PRDM16: variants seen among roughly 807,000 people sequenced by gnomAD.
The protein encoded by PRDM16 is PR/SET domain 16.
A neutral mutation model predicts 110.6 loss-of-function variants in PRDM16; 23 were observed. The observed-to-expected ratio is 0.21, with a 90% CI of 0.15 to 0.29. The LOEUF (loss-of-function observed/expected upper bound fraction) is 0.29. Among genes scored for constraint, PRDM16 ranks in the 10% least tolerant of loss-of-function variants. PRDM16 has a pLI of 1.00. For missense variants in PRDM16, 1,615 were observed against 1,794.3 expected (o/e 0.90, Z 1.81); for synonymous variants, 799 against 781.8 (o/e 1.02, Z -0.37).
chr1:3,098,784 C>T (rs1642466609), intron 1 of PRDM16, among the ~76,000 whole-genome samples: 1 of 152,234 alleles, frequency 6.6e-6, no homozygotes, highest in Non-Finnish European at 1.5e-5. Context: ...CTTGCTGCTC[C>T]AGCCCTGCAG....
rs1480431123 is a variant in PRDM16, at chr1:3,213,500, CT to C, written c.387+27027del. ...TCACCCCAGCTGTGCGGGTGCCCCC[CT>C]GGGTTTGGTTGTGCCCGTGGGGGGT... On this transcript the variant is annotated intron_variant, in intron 2 of 16. Transcript: ENST00000270722. The surrounding 1 kb of genome is among the most constrained non-coding windows in gnomAD (Gnocchi z 5.3). Among the ~76,000 whole-genome samples, 2 of 152,174 alleles carry C rather than the reference CT, an allele frequency of 1.3e-5. No homozygotes were observed. The highest frequency in any genetic ancestry group is 2.1e-4 in the South Asian group (1 of 4,822).
At position 3,271,592 on chromosome 1, in the gene PRDM16, G is replaced by A. The variant is rs74994195; in HGVS notation, c.438+27455G>A. On this transcript the variant is annotated intron_variant, in intron 3 of 16. Coordinates refer to ENST00000270722, the MANE Select transcript of PRDM16 (RefSeq NM_022114.4). ...CCTGTTCCATGACCTGGAGCGTGAG[G>A]CCAGGCAGGGGGACTGTCTGGGTAG... Among the ~76,000 whole-genome samples, 2,248 of 152,300 alleles carry A rather than the reference G, an allele frequency of 0.015. 143 individuals are homozygous for A. The East Asian group carries it at 0.19, about 13-fold the overall frequency.
chr1:3,186,142 A>C lies in PRDM16; in HGVS notation c.55A>C (p.Asn19His), dbSNP rs1246236090. ...KLAKSDGDVV[N>H]NMYEPNRDLL... ...TCCTTTAGGTGACGGTGACGTTGTA[A>C]ATAATATGTATGAGCCCAACCGGGA... is the stretch of plus-strand genomic sequence containing the variant. The change falls in exon 2 of 17, where the codon AAT (asparagine) becomes CAT (histidine). Residue 19 changes from asparagine (N) to histidine (H), a missense_variant. This residue lies in a region of PRDM16 where 416 missense variants were observed against 467.1 expected (regional missense o/e 0.89). Coordinates refer to ENST00000270722, the MANE Select transcript of PRDM16 (RefSeq NM_022114.4). The C allele has an allele frequency of 6.2e-7, 1 of 1,612,632 alleles. No homozygotes were observed. Among genetic ancestry groups the C allele is most frequent in the African/African-American group, 1.3e-5 (1 of 75,018 alleles).
intron 15 of PRDM16, among the ~76,000 whole-genome samples, chr1:3,431,721 CT>C (rs769553834): frequency 6.8e-4 from 103 of 152,314 alleles, no homozygotes; most frequent in Non-Finnish European, 1.0e-3. Flanking sequence ...CCTGAGCCCC[CT>C]GCCTGCTGCC....
chr1:3,418,518 G>T, intron 11 of PRDM16, 149 bp from the exon 12 acceptor site: 3 of 664,638 alleles, frequency 4.5e-6, no homozygotes, highest in Non-Finnish European at 5.5e-6. Flanking sequence ...CTTCAGGGCC[G>T]TGGAAGGGAC....
At chr1:3,220,452 C>T (rs899753326) in intron 2 of PRDM16, among the ~76,000 whole-genome samples, 4 of 152,212 alleles carry the variant, frequency 2.6e-5, no homozygotes, top group African/African-American at 2.4e-5. Flanking sequence ...AGGACCAGCA[C>T]AGGTTGGGGC....
chr1:3,184,985 G>T (rs1285185046), intron 1 of PRDM16, among the ~76,000 whole-genome samples: 2 of 152,184 alleles, frequency 1.3e-5, no homozygotes, highest in Non-Finnish European at 1.5e-5. Context: ...TCCTCCTTGG[G>T]GAGGGGAGGT....
intron 1 of PRDM16, among the ~76,000 whole-genome samples, chr1:3,115,774 G>T (rs1477973471): frequency 1.3e-5 from 2 of 152,242 alleles, no homozygotes; most frequent in Non-Finnish European, 2.9e-5. Flanking sequence ...CATCCTCGGG[G>T]TGCCCTCGGG....
intron 3 of PRDM16, among the ~76,000 whole-genome samples, chr1:3,365,159 A>G (rs949360836): frequency 1.2e-4 from 18 of 152,256 alleles, no homozygotes; most frequent in Non-Finnish European, 2.4e-4. Context: ...GTCGGGTCGC[A>G]TGGCCCCCCG....
chr1:3,241,091 G>T (rs903088933), intron 2 of PRDM16, among the ~76,000 whole-genome samples: 10 of 152,208 alleles, frequency 6.6e-5, no homozygotes, highest in Admixed American at 1.3e-4. Flanking sequence ...CGGGGAGCGC[G>T]TCCCGCCATT....
chr1:3,123,103 T>C (rs537593432), intron 1 of PRDM16, among the ~76,000 whole-genome samples: 13 of 152,326 alleles, frequency 8.5e-5, no homozygotes, highest in African/African-American at 3.1e-4. Context: ...GGATGCGTGG[T>C]TGCTGTGTCG....
chr1:3,160,713 G>C (rs1050162977), intron 1 of PRDM16, among the ~76,000 whole-genome samples: 1 of 152,206 alleles, frequency 6.6e-6, no homozygotes, highest in Non-Finnish European at 1.5e-5. Flanking sequence ...GTGACCCTTG[G>C]CTCAAGACAG....
intron 3 of PRDM16, among the ~76,000 whole-genome samples, chr1:3,276,136 A>G (rs948322008): frequency 2.6e-5 from 4 of 152,252 alleles, no homozygotes; most frequent in African/African-American, 7.2e-5. Flanking sequence ...GGAGAAACCA[A>G]CTGGAAAGCT....
chr1:3,195,302 T>G, intron 2 of PRDM16, among the ~76,000 whole-genome samples: 1 of 152,118 alleles, frequency 6.6e-6, no homozygotes, highest in East Asian at 1.9e-4. Context: ...AGCCCAAGAA[T>G]GCCATGAAAT....
At chr1:3,316,702 T>C (rs1027307221) in intron 3 of PRDM16, among the ~76,000 whole-genome samples, 1 of 149,618 alleles carries the variant, frequency 6.7e-6, no homozygotes, top group Admixed American at 6.6e-5. Flanking sequence ...CAGGAAACAG[T>C]GACATAGTGG....
chr1:3,421,279 CT>C (rs1009063021), intron 12 of PRDM16, among the ~76,000 whole-genome samples: 19 of 152,180 alleles, frequency 1.2e-4, no homozygotes, highest in East Asian at 7.7e-4. Context: ...GCCACCCCCC[CT>C]GACCTGCCCA....
chr1:3,351,902 C>A (rs995534814), intron 3 of PRDM16, among the ~76,000 whole-genome samples: 2 of 151,514 alleles, frequency 1.3e-5, no homozygotes, highest in East Asian at 4.0e-4. Context: ...GAAGGGAGAG[C>A]TGGGGGCGGG....
chr1:3,273,304 C>T (rs930721102), intron 3 of PRDM16, among the ~76,000 whole-genome samples: 3 of 152,174 alleles, frequency 2.0e-5, no homozygotes, highest in East Asian at 1.9e-4. Context: ...GCCTGTTCTG[C>T]CATTCGAGGT....
At position 3,411,720 on chromosome 1, in the gene PRDM16, C is replaced by T; in HGVS notation, c.1523C>T (p.Pro508Leu). The T allele has an allele frequency of 6.2e-7, 1 of 1,611,434 alleles. No individual in the cohort carries two copies. Among genetic ancestry groups the T allele is most frequent in the Non-Finnish European group, 8.5e-7 (1 of 1,178,674 alleles). Residue 508 changes from proline to leucine, a missense_variant, in exon 9 of 17, where the codon CCC (proline) becomes CTC (leucine). Pro to Leu is a moderately conservative substitution (Grantham distance 98, BLOSUM62 -3). This residue lies in a region of PRDM16 where 772 missense variants were observed against 748.3 expected (regional missense o/e 1.03). Transcript: ENST00000270722. ...LPFSTAPPTF[P>L]ALTPGFPGIF... is the part of the protein sequence containing the mutation. ...TTCTCCACGGCGCCTCCCACGTTCC[C>T]CGCACTCACCCCCGGCTTCCCGGGC... is the stretch of plus-strand genomic sequence containing the variant.
Sources: allele counts gnomAD v4.1 joint callset (sites outside exome capture counted in the v4.1 genomes callset), GRCh38; gene constraint gnomAD v4.1.1; regional missense constraint gnomAD v4.1.1; non-coding constraint Gnocchi (gnomAD v3.1); transcripts MANE v1.5; gene names NCBI Gene and HGNC (gene_info 2026-07-23, HGNC 2026-07-21).